SLC24A2: variants seen among roughly 807,000 people sequenced by gnomAD.
SLC24A2 encodes solute carrier family 24 member 2.
A neutral mutation model predicts 62.0 loss-of-function variants in SLC24A2; 36 were observed. The observed-to-expected ratio is 0.58, with a 90% CI of 0.44 to 0.77. The LOEUF is 0.77. SLC24A2 is among the 30% of genes least tolerant of loss of function. The pLI is 0.00. For missense variants in SLC24A2, 846 were observed against 817.9 expected (o/e 1.03, Z -0.42); for synonymous variants, 358 against 294.0 (o/e 1.22, Z -2.23).
At chr9:19,863,853 T>C in the SLC24A2 span, among the ~76,000 whole-genome samples, 1,876 of 151,168 alleles carry the variant, frequency 0.012, 45 homozygotes, top group African/African-American at 0.044. Context: ...AGAGCAGAAA[T>C]AAATGAAACA....
the SLC24A2 span, among the ~76,000 whole-genome samples, chr9:20,194,976 C>A: frequency 6.6e-6 from 1 of 152,058 alleles, no homozygotes; most frequent in Non-Finnish European, 1.5e-5. Flanking sequence ...GTTTTATTAC[C>A]TAGGTATACA....
the SLC24A2 span, among the ~76,000 whole-genome samples, chr9:19,989,574 T>G: frequency 1.8e-4 from 27 of 152,194 alleles, no homozygotes; most frequent in Non-Finnish European, 3.7e-4. Context: ...CTGTCACTAT[T>G]CCTGGTCCTC....
intron 2 of SLC24A2, among the ~76,000 whole-genome samples, chr9:19,740,678 G>A (rs1026293561): frequency 6.6e-6 from 1 of 152,188 alleles, no homozygotes; most frequent in South Asian, 2.1e-4. Flanking sequence ...TAAACATCTG[G>A]AATTATTTAT....
At chr9:19,986,601 T>C in the SLC24A2 span, among the ~76,000 whole-genome samples, 1 of 152,158 alleles carries the variant, frequency 6.6e-6, no homozygotes, top group South Asian at 2.1e-4. Context: ...TGTAATATTA[T>C]TCAGCCACAA....
At chr9:19,830,156 C>T in the SLC24A2 span, among the ~76,000 whole-genome samples, 1 of 152,016 alleles carries the variant, frequency 6.6e-6, no homozygotes, top group African/African-American at 2.4e-5. Flanking sequence ...GGCCTTGAGG[C>T]CACTTTGAGT....
chr9:19,779,647 T>C (rs1822951354), intron 2 of SLC24A2, among the ~76,000 whole-genome samples: 1 of 151,994 alleles, frequency 6.6e-6, no homozygotes, highest in African/African-American at 2.4e-5. Context: ...CAAGAAGGAA[T>C]GAGGAGGGGA....
chr9:20,157,616 T>C, the SLC24A2 span, among the ~76,000 whole-genome samples: 1 of 151,656 alleles, frequency 6.6e-6, no homozygotes, highest in Non-Finnish European at 1.5e-5. Flanking sequence ...AACTCTCAAA[T>C]ACAGACAAAT....
chr9:20,119,157 T>A, the SLC24A2 span, among the ~76,000 whole-genome samples: 3 of 152,110 alleles, frequency 2.0e-5, no homozygotes, highest in African/African-American at 7.2e-5. Context: ...ACTAATAACC[T>A]AATCAAGCTT....
chr9:19,582,030 A>G (rs745309513), intron 5 of SLC24A2, among the ~76,000 whole-genome samples: 21 of 152,208 alleles, frequency 1.4e-4, no homozygotes, highest in Non-Finnish European at 2.2e-4. Context: ...GTCAAAACCT[A>G]GTATATAATT....
the SLC24A2 span, among the ~76,000 whole-genome samples, chr9:20,164,794 C>T: frequency 1.3e-5 from 2 of 151,076 alleles, no homozygotes; most frequent in African/African-American, 2.4e-5. Flanking sequence ...CCATGGAATA[C>T]TATGCAGCCA....
intron 2 of SLC24A2, among the ~76,000 whole-genome samples, chr9:19,768,855 C>A (rs990656773): frequency 6.6e-6 from 1 of 152,182 alleles, no homozygotes; most frequent in Non-Finnish European, 1.5e-5. Flanking sequence ...AGCTGCACCT[C>A]CCAGGCTCCC....
At chr9:19,560,265 C>A (rs576264246) in intron 7 of SLC24A2, among the ~76,000 whole-genome samples, 65 of 152,054 alleles carry the variant, frequency 4.3e-4, no homozygotes, top group African/African-American at 1.3e-3. Context: ...GATGTCAGTC[C>A]CTACTGACTG....
intron 2 of SLC24A2, among the ~76,000 whole-genome samples, chr9:19,741,338 GC>G (rs1348061154): frequency 6.6e-6 from 1 of 152,192 alleles, no homozygotes; most frequent in Non-Finnish European, 1.5e-5. Context: ...GAAGAGGTTT[GC>G]TTCTTCCTTT....
chr9:19,513,153 G>GAGATATAT lies in SLC24A2; in HGVS notation c.*2999_*3000insATATATCT, dbSNP rs1434610409. 1 of 80,594 alleles carries GAGATATAT rather than the reference G, an allele frequency of 1.2e-5. No homozygotes were observed. 5.0% of individuals were successfully genotyped at this position (80,594 alleles called of 1,614,324 possible). On this transcript the variant is annotated 3_prime_UTR_variant, in exon 11 of 11. Transcript: ENST00000341998. ...TGTGTACATATAGATCTGGTATAAA[G>GAGATATAT]ATATATATATATATATATATATGTA...
In SLC24A2 at chr9:19,531,563, T is replaced by C. The variant is rs902960343; in HGVS notation, c.1480-3425A>G. On this transcript the variant is annotated intron_variant, in intron 8 of 10. Coordinates refer to ENST00000341998, the MANE Select transcript of SLC24A2 (RefSeq NM_020344.4). ...TTTGGTACATCAGAGTGATATCGGC[T>C]TGGCTTGGAAAAAGATGCTGGACAT... is the stretch of plus-strand genomic sequence containing the variant. Among the ~76,000 whole-genome samples, 5 of 152,192 alleles carry C rather than the reference T, an allele frequency of 3.3e-5. No individual in the cohort carries two copies. The South Asian group carries it at 1.0e-3, about 32-fold the overall frequency.
chr9:19,530,770 T>G (rs1235020659), intron 8 of SLC24A2, among the ~76,000 whole-genome samples: 1 of 152,208 alleles, frequency 6.6e-6, no homozygotes, highest in Non-Finnish European at 1.5e-5. Context: ...CATTAGGGGC[T>G]CAATGAAGAA....
rs576567197 is a variant in SLC24A2 at position 19,672,506 on chromosome 9, C to T, written c.931-50207G>A. Among the ~76,000 whole-genome samples, 33 of 146,288 alleles carry T rather than the reference C, an allele frequency of 2.3e-4. 6 individuals are homozygous for T. Among genetic ancestry groups the T allele is most frequent in the African/African-American group, 8.1e-4 (30 of 37,184 alleles). The stretch of plus-strand genomic sequence containing the variant: ...ATAATCAGGTTTTAGTTTCATTTAT[C>T]TTTTGTATTTTCTTTGTTTCAATTT... On this transcript the variant is annotated intron_variant, in intron 2 of 10. Transcript: ENST00000341998.
At chr9:20,055,451 C>G in the SLC24A2 span, among the ~76,000 whole-genome samples, 1 of 152,052 alleles carries the variant, frequency 6.6e-6, no homozygotes, top group Non-Finnish European at 1.5e-5. Flanking sequence ...TTCATGACAA[C>G]TGTTTAGTAG....
the SLC24A2 span, among the ~76,000 whole-genome samples, chr9:20,038,581 C>T: frequency 6.7e-6 from 1 of 149,448 alleles, no homozygotes; most frequent in East Asian, 2.0e-4. Flanking sequence ...TTCTCCCATC[C>T]TCTCCCTTTC....
Sources: allele counts gnomAD v4.1 joint callset (sites outside exome capture counted in the v4.1 genomes callset), GRCh38; gene constraint gnomAD v4.1.1; transcripts MANE v1.5; gene names NCBI Gene and HGNC (gene_info 2026-07-23, HGNC 2026-07-21).